PCDHA7: variants seen among roughly 807,000 people sequenced by gnomAD.
The protein encoded by PCDHA7 is protocadherin alpha 7.
A neutral mutation model predicts 57.2 loss-of-function variants in PCDHA7; 37 were observed. The ratio of observed to expected loss-of-function variants is 0.65; its 90% CI spans 0.50 to 0.85. The LOEUF (loss-of-function observed/expected upper bound fraction) is 0.85, where lower values mean the gene tolerates loss of function less well. Among genes scored for constraint, PCDHA7 ranks in the 40% least tolerant of loss-of-function variants. The probability of loss-of-function intolerance (pLI) is 0.00; values close to 1 mark genes in which losing one functional copy is unlikely to be tolerated. For synonymous variants in PCDHA7, 553 were observed against 558.8 expected (o/e 0.99, Z 0.15); for missense variants, 1,188 against 1,241.8 (o/e 0.96, Z 0.65).
rs550090383 is a variant in PCDHA7, at chr5:140,835,552, C to G, written c.1169C>G (p.Thr390Arg). ...AACGGACAGGTTACCTGCTCCCTGA[C>G]GCCCCGCGTTCCCTTCAAGTTGGTG... is the stretch of plus-strand genomic sequence containing the variant. Reference protein sequence around the residue: ...GVNGQVTCSLTPRVPFKLVST... With the variant: ...GVNGQVTCSLRPRVPFKLVST... Residue 390 changes from threonine to arginine, a missense_variant, in exon 1 of 4, where the codon ACG becomes AGG. Transcript: ENST00000525929. 6.2e-7 allele frequency: 1 copy of G among 1,613,824 alleles called. No homozygotes were observed.
chr5:140,968,201 C>T, intron 1 of PCDHA7: 1 of 1,614,032 alleles, frequency 6.2e-7, no homozygotes, highest in Non-Finnish European at 8.5e-7. Context: ...CATCTACATA[C>T]AGGAGAACAA....
At chr5:140,850,915 T>G (rs2041875502) in intron 1 of PCDHA7, 1 of 1,529,718 alleles carries the variant, frequency 6.5e-7, no homozygotes. Flanking sequence ...ATTTTATTTA[T>G]TTATATAATT....
intron 1 of PCDHA7, among the ~76,000 whole-genome samples, chr5:140,969,908 TG>T (rs2096368267): frequency 6.6e-6 from 1 of 152,184 alleles, no homozygotes; most frequent in Non-Finnish European, 1.5e-5. Flanking sequence ...ATGTCACAAG[TG>T]ATAAAGCTGT....
intron 1 of PCDHA7, among the ~76,000 whole-genome samples, chr5:140,951,153 G>T (rs1585399827): frequency 3.4e-5 from 1 of 29,832 alleles, no homozygotes; most frequent in Admixed American, 3.1e-4. Context: ...ATTGAATATA[G>T]TTATAGTAGC....
At chr5:140,971,661 TAGAG>T (rs2096491377) in intron 1 of PCDHA7, among the ~76,000 whole-genome samples, 1 of 152,064 alleles carries the variant, frequency 6.6e-6, no homozygotes, top group Non-Finnish European at 1.5e-5. Context: ...AGATGGGAAT[TAGAG>T]AGGAAGAGTA....
chr5:141,000,421 ATT>A (rs34755515), intron 3 of PCDHA7, among the ~76,000 whole-genome samples: 627 of 27,724 alleles, frequency 0.023, 1 homozygote, highest in Middle Eastern at 0.071. Context: ...ATATATATAT[ATT>A]TTTTTTTTTT....
At chr5:140,987,444 C>G (rs2097254283) in intron 3 of PCDHA7, among the ~76,000 whole-genome samples, 1 of 151,998 alleles carries the variant, frequency 6.6e-6, no homozygotes, top group African/African-American at 2.4e-5. Flanking sequence ...TCCCCATGCC[C>G]GAGAGATAAT....
At chr5:140,895,880 C>T (rs564030159) in intron 1 of PCDHA7, among the ~76,000 whole-genome samples, 4 of 152,240 alleles carry the variant, frequency 2.6e-5, no homozygotes, top group East Asian at 3.9e-4. Flanking sequence ...GGCGCGATCT[C>T]GGCTCACTGC....
chr5:140,901,229 T>C (rs1394148058), intron 1 of PCDHA7, among the ~76,000 whole-genome samples: 1 of 152,166 alleles, frequency 6.6e-6, no homozygotes, highest in African/African-American at 2.4e-5. Context: ...ATCCCATATA[T>C]CCATTTTTTT....
At position 140,987,008 on chromosome 5, in the gene PCDHA7, G is replaced by A. The variant is rs958548514; in HGVS notation, c.2503+4445G>A. 2.6e-5 allele frequency among the ~76,000 whole-genome samples: 4 copies of A among 152,260 alleles called. No individual in the cohort carries two copies. The South Asian group carries it at 6.2e-4, about 24-fold the overall frequency. On this transcript the variant is annotated intron_variant, in intron 3 of 3. Transcript: ENST00000525929. ...GCAGGCAGATCACTTGAGGTCATGA[G>A]TTCGAGACCAGCCTGGTCAACATGG... is the stretch of plus-strand genomic sequence containing the variant.
chr5:140,846,229 T>C (rs1166020827), intron 1 of PCDHA7, among the ~76,000 whole-genome samples: 1 of 149,582 alleles, frequency 6.7e-6, no homozygotes, highest in Non-Finnish European at 1.5e-5. Context: ...GTATTTTTCT[T>C]AAAAAGAAGT....
chr5:140,877,076 T>G, intron 1 of PCDHA7: 1 of 1,613,022 alleles, frequency 6.2e-7, no homozygotes, highest in Non-Finnish European at 8.5e-7. Context: ...CAGTTCCAGG[T>G]GAGCGCGCGC....
At chr5:140,961,690 C>T (rs573918307) in intron 1 of PCDHA7, among the ~76,000 whole-genome samples, 2 of 152,154 alleles carry the variant, frequency 1.3e-5, no homozygotes, top group African/African-American at 4.8e-5. Context: ...CGGAGTAGTC[C>T]TTAGTATGAA....
intron 1 of PCDHA7, chr5:140,868,166 T>G (rs1427031961): frequency 1.3e-5 from 2 of 152,120 alleles, no homozygotes; most frequent in Non-Finnish European, 2.9e-5. Flanking sequence ...AGTGCTAAAT[T>G]TTGATATCTC....
At chr5:140,929,014 C>T (rs1554206582) in intron 1 of PCDHA7, 5 of 1,614,110 alleles carry the variant, frequency 3.1e-6, no homozygotes, top group Non-Finnish European at 4.2e-6. Flanking sequence ...TACCAAGTTG[C>T]ACCAGAGCCC....
At chr5:140,895,292 C>A (rs1032250917) in intron 1 of PCDHA7, among the ~76,000 whole-genome samples, 2 of 152,044 alleles carry the variant, frequency 1.3e-5, no homozygotes. Context: ...TTAGGACCTT[C>A]GATTTCCCCC....
At chr5:140,914,030 G>T (rs2076568173) in intron 1 of PCDHA7, among the ~76,000 whole-genome samples, 1 of 152,298 alleles carries the variant, frequency 6.6e-6, no homozygotes, top group East Asian at 1.9e-4. Flanking sequence ...CACGTGCTGA[G>T]AAGAATGTGT....
rs1773843865 is a variant in PCDHA7, at chr5:140,835,687, T to G, written c.1304T>G (p.Leu435Arg). The G allele has an allele frequency of 6.2e-7, 1 of 1,613,786 alleles. No individual in the cohort carries two copies. The highest frequency in any genetic ancestry group is 1.7e-5 in the Admixed American group (1 of 60,006). The change falls in exon 1 of 4, where the codon CTG becomes CGG. Residue 435 changes from leucine (L) to arginine (R), a missense_variant. Coordinates refer to ENST00000525929, the MANE Select transcript of PCDHA7 (RefSeq NM_018910.3). The stretch of plus-strand genomic sequence containing the variant: ...GCGCGGGACGGGGGCTCGCCTTCTC[T>G]GTGGGCCACTGCTAGCGTGTCCGTG... ...VTARDGGSPS[L>R]WATASVSVEV...
chr5:141,005,256 A>C (rs1307850409), intron 3 of PCDHA7, among the ~76,000 whole-genome samples: 1 of 152,212 alleles, frequency 6.6e-6, no homozygotes, highest in East Asian at 1.9e-4. Flanking sequence ...TGTGCTAGGC[A>C]CTGGTGATAC....
Sources: allele counts gnomAD v4.1 joint callset (sites outside exome capture counted in the v4.1 genomes callset), GRCh38; gene constraint gnomAD v4.1.1; transcripts MANE v1.5; gene names NCBI Gene and HGNC (gene_info 2026-07-23, HGNC 2026-07-21).